The following MYBPC3 variants were observed in gnomAD, a reference collection of about 807,000 sequenced individuals.
MYBPC3 encodes the protein myosin-binding protein C, cardiac-type.
MYBPC3 carries 108 observed loss-of-function variants against 159.3 expected under a neutral mutation model. The observed-to-expected ratio is 0.68, with a 90% CI of 0.58 to 0.80. The LOEUF is 0.80. MYBPC3 is among the 30% of genes least tolerant of loss of function. The pLI is 0.00. For missense variants in MYBPC3, 1,631 were observed against 1,762.1 expected (o/e 0.93, Z 1.33); for synonymous variants, 730 against 702.0 (o/e 1.04, Z -0.63).
intron 27 of MYBPC3, 120 bp downstream of exon 27, chr11:47,334,922 T>G: frequency 1.7e-6 from 2 of 1,199,246 alleles, no homozygotes; most frequent in Non-Finnish European, 1.1e-6. Context: ...ACCCCTCCTG[T>G]CTCTGCCCAG....
rs1446676554 is a variant in MYBPC3 at position 47,341,238 on chromosome 11, G to T, written c.1797C>A (p.His599Gln). The change falls in exon 19 of 35, where the codon CAC (histidine) becomes CAA (glutamine). Residue 599 changes from histidine (H) to glutamine (Q), a missense_variant. Transcript: ENST00000545968. ...RIKVSHIGRV[H>Q]KLTIDDVTPA... is the part of the protein sequence containing the mutation. ...GTGTGACGTCGTCAATGGTCAGTTT[G>T]TGGACCCTGCAGGGGAGCAGTGGCT... 1 of 1,584,572 alleles carries T rather than the reference G, an allele frequency of 6.3e-7. No individual in the cohort carries two copies. The highest frequency in any genetic ancestry group is 8.6e-7 in the Non-Finnish European group (1 of 1,165,424).
At chr11:47,348,652 T>A in intron 5 of MYBPC3, 111 bp from the exon 6 acceptor site, 1 of 755,480 alleles carries the variant, frequency 1.3e-6, no homozygotes, top group South Asian at 2.1e-5. Flanking sequence ...AGGCCTGTAA[T>A]CCCCACTTTG....
chr11:47,332,339 G>T lies in MYBPC3; in HGVS notation c.3628-81C>A, dbSNP rs1330393651. 2 of 1,525,944 alleles carry T rather than the reference G, an allele frequency of 1.3e-6. No homozygotes were observed. Among genetic ancestry groups the T allele is most frequent in the Non-Finnish European group, 9.1e-7 (1 of 1,104,208 alleles). The allele number at this position is 1,525,944 out of a possible 1,614,324, so 94.5% of individuals were successfully genotyped here. Reference sequence around the variant, plus strand: ...CAGGGACCCAGGGAGACACATCTGTGTTTCTACTCGGGGGGTCCCACGAGA... The same window carrying T: ...CAGGGACCCAGGGAGACACATCTGTTTTTCTACTCGGGGGGTCCCACGAGA... On this transcript the variant is annotated intron_variant, in intron 32 of 34. Coordinates refer to ENST00000545968, the MANE Select transcript of MYBPC3 (RefSeq NM_000256.3). The surrounding 1 kb of genome is among the most constrained non-coding windows in gnomAD (Gnocchi z 4.2).
chr11:47,341,905 ATCTC>A (rs138186736), intron 18 of MYBPC3, 82 bp downstream of exon 18: 20 of 1,462,426 alleles, frequency 1.4e-5, no homozygotes, highest in Admixed American at 2.0e-5. Flanking sequence ...ACCTGTCTTT[ATCTC>A]TCTCTCTCTG....
In MYBPC3 at chr11:47,351,409, C is replaced by A; in HGVS notation, c.122G>T (p.Arg41Leu). The A allele has an allele frequency of 1.9e-6, 3 of 1,609,952 alleles. No homozygotes were observed. Among genetic ancestry groups the A allele is most frequent in the Non-Finnish European group, 2.5e-6 (3 of 1,178,774 alleles). Residue 41 changes from arginine (R) to leucine (L), a missense_variant, in exon 2 of 35, where the codon CGC (arginine) becomes CTC (leucine). Coordinates refer to ENST00000545968, the MANE Select transcript of MYBPC3 (RefSeq NM_000256.3). The surrounding 1 kb of genome is among the most constrained non-coding windows in gnomAD (Gnocchi z 4.2). ...GATGTCACTGCCTCCGCGCTGCCAG[C>A]GCACCTTCACTCCTGCCCGCTCTGT... ...AETERAGVKV[R>L]WQRGGSDISA...
At chr11:47,345,381 A>T (rs968715693) in intron 12 of MYBPC3, among the ~76,000 whole-genome samples, 5 of 152,190 alleles carry the variant, frequency 3.3e-5, no homozygotes, top group African/African-American at 1.2e-4. Context: ...CAGAGGGATA[A>T]GGGGCCTGGG....
chr11:47,332,503 C>A lies in MYBPC3; in HGVS notation c.3627+63G>T. ...GAGACAGGCTGGGGAGAGGACTGCT[C>A]AACGTCGGGGCCTGTGAGCCCTGCC... On this transcript the variant is annotated intron_variant, in intron 32 of 34. Transcript: ENST00000545968. This position sits in a 1 kb window ranked among gnomAD's most constrained non-coding sequence, Gnocchi z 4.2. The A allele has an allele frequency of 6.4e-7, 1 of 1,566,400 alleles. No individual in the cohort carries two copies. Among genetic ancestry groups the A allele is most frequent in the South Asian group, 1.2e-5 (1 of 84,284 alleles).
At position 47,348,384 on chromosome 11, in the gene MYBPC3, G is replaced by A. The variant is rs775182130; in HGVS notation, c.772+40C>T. ...AAGGAGGTAGGAGACCAGGACCCAT[G>A]GGGAGCCCGAGCCCAGGACAGACAC... is the stretch of plus-strand genomic sequence containing the variant. On this transcript the variant is annotated intron_variant, in intron 6 of 34. Coordinates refer to ENST00000545968, the MANE Select transcript of MYBPC3 (RefSeq NM_000256.3). 7.5e-6 allele frequency: 11 copies of A among 1,462,834 alleles called. No homozygotes were observed. The Middle Eastern group carries it at 5.1e-4, about 68-fold the overall frequency. The allele number at this position is 1,462,834 out of a possible 1,614,324, so 90.6% of individuals were successfully genotyped here. A position where few individuals can be genotyped will look rare whatever the true frequency, so the allele number is the denominator to read the frequency against.
In MYBPC3 at chr11:47,333,545, T is replaced by G; in HGVS notation, c.3190+12A>C. ...GGAAACAAGGGGGCTCAAGGAGGCC[T>G]TGGCCACGCACCAACAACCTGCAGC... On this transcript the variant is annotated intron_variant, in intron 29 of 34. Transcript: ENST00000545968. 6.3e-7 allele frequency: 1 copy of G among 1,599,628 alleles called. No individual in the cohort carries two copies. Among genetic ancestry groups the G allele is most frequent in the Non-Finnish European group, 8.5e-7 (1 of 1,179,682 alleles).
Position 47,332,369 on chromosome 11 carries a change from C to A in MYBPC3, c.3628-111G>T. The A allele has an allele frequency of 6.9e-7, 1 of 1,444,846 alleles. No homozygotes were observed. The highest frequency in any genetic ancestry group is 9.6e-7 in the Non-Finnish European group (1 of 1,042,518). The allele number at this position is 1,444,846 out of a possible 1,614,324, so 89.5% of individuals were successfully genotyped here. On this transcript the variant is annotated intron_variant, in intron 32 of 34. Coordinates refer to ENST00000545968, the MANE Select transcript of MYBPC3 (RefSeq NM_000256.3). This position sits in a 1 kb window ranked among gnomAD's most constrained non-coding sequence, Gnocchi z 4.2. Reference sequence around the variant, plus strand: ...TACTCGGGGGGTCCCACGAGAGTCCCTGACTATGCCCAAGGCTGGAAACAA... The same window carrying A: ...TACTCGGGGGGTCCCACGAGAGTCCATGACTATGCCCAAGGCTGGAAACAA...
intron 25 of MYBPC3, among the ~76,000 whole-genome samples, chr11:47,336,891 T>C (rs2095882826): frequency 6.6e-6 from 1 of 152,256 alleles, no homozygotes; most frequent in African/African-American, 2.4e-5. Flanking sequence ...CTGCCATCTC[T>C]GAGTCTTGGT....
chr11:47,332,274 AGAGAGGGAGGGAAGCCATCCAGGCT>A lies in MYBPC3; in HGVS notation c.3628-41_3628-17del, dbSNP rs36212066. 2,992 of 1,613,290 alleles carry A rather than the reference AGAGAGGGAGGGAAGCCATCCAGGCT, an allele frequency of 1.9e-3. 67 individuals are homozygous for A. The South Asian group carries it at 0.031, about 17-fold the overall frequency. On this transcript the variant is annotated splice_polypyrimidine_tract_variant and intron_variant, in intron 32 of 34. Transcript: ENST00000545968. The surrounding 1 kb of genome is among the most constrained non-coding windows in gnomAD (Gnocchi z 4.2). Reference sequence around the variant, plus strand: ...AAATCTTGGGCTATAAATAAGGTAAAGAGAGGGAGGGAAGCCATCCAGGCTGAGAGGGGACCTGGCAGGGACCCAG... The same window carrying A: ...AAATCTTGGGCTATAAATAAGGTAAAGAGAGGGGACCTGGCAGGGACCCAG...
At chr11:47,333,827 C>A in intron 28 of MYBPC3, 75 bp from the exon 29 acceptor site, 1 of 1,544,604 alleles carries the variant, frequency 6.5e-7, no homozygotes. Context: ...TCTGGTACCT[C>A]AGATCAGGCC....
chr11:47,345,971 T>C (rs976116750), intron 12 of MYBPC3, among the ~76,000 whole-genome samples: 2 of 152,208 alleles, frequency 1.3e-5, no homozygotes, highest in African/African-American at 2.4e-5. Flanking sequence ...GGTAAGGGGC[T>C]AACCTGGGCA....
chr11:47,349,939 G>C lies in MYBPC3; in HGVS notation c.506-17C>G, dbSNP rs561595897. 8.8e-6 allele frequency: 14 copies of C among 1,582,508 alleles called. No individual in the cohort carries two copies. In the South Asian group the frequency reaches 1.6e-4, roughly 18 times the overall value. On this transcript the variant is annotated splice_polypyrimidine_tract_variant and intron_variant, in intron 4 of 34. Coordinates refer to ENST00000545968, the MANE Select transcript of MYBPC3 (RefSeq NM_000256.3). ...TGCTGCCACCTGCAAAGGCAGGGGC[G>C]ACAGGCCCGGCTTGGGGAGTGTCCT...
rs1057150593 is a variant in MYBPC3 at position 47,332,331 on chromosome 11, A to T, written c.3628-73T>A. ...GGACCTGGCAGGGACCCAGGGAGACACATCTGTGTTTCTACTCGGGGGGTC... is the reference window on the plus strand; with the variant it reads ...GGACCTGGCAGGGACCCAGGGAGACTCATCTGTGTTTCTACTCGGGGGGTC... On this transcript the variant is annotated intron_variant, in intron 32 of 34. Coordinates refer to ENST00000545968, the MANE Select transcript of MYBPC3 (RefSeq NM_000256.3). This position sits in a 1 kb window ranked among gnomAD's most constrained non-coding sequence, Gnocchi z 4.2. The T allele has an allele frequency of 2.6e-6, 4 of 1,542,504 alleles. No homozygotes were observed. Among genetic ancestry groups the T allele is most frequent in the Non-Finnish European group, 3.6e-6 (4 of 1,117,856 alleles).
Position 47,332,629 on chromosome 11 carries a change from C to T in MYBPC3, c.3564G>A (p.Val1188=), listed in dbSNP as rs1595841075. Residue 1188 remains valine, a synonymous_variant, in exon 32 of 35, where the codon GTG becomes GTA. Transcript: ENST00000545968. This position sits in a 1 kb window ranked among gnomAD's most constrained non-coding sequence, Gnocchi z 4.2. ...SEAPSFTQPL[V]NRSVIAGYTA... is the part of the protein sequence containing the mutation. Reference sequence around the variant, plus strand: ...TGTAGCCCGCGATGACCGAGCGGTTCACCAGGGGCTGGGTGAAGCTTGGGG... The same window carrying T: ...TGTAGCCCGCGATGACCGAGCGGTTTACCAGGGGCTGGGTGAAGCTTGGGG... 3.1e-6 allele frequency: 5 copies of T among 1,613,888 alleles called. No homozygotes were observed. Among genetic ancestry groups the T allele is most frequent in the African/African-American group, 1.3e-5 (1 of 75,056 alleles).
In MYBPC3 at chr11:47,338,688, G is replaced by T. The variant is rs773882783; in HGVS notation, c.2149-9C>A. 1.9e-6 allele frequency: 3 copies of T among 1,604,812 alleles called. No individual in the cohort carries two copies. Among genetic ancestry groups the T allele is most frequent in the Non-Finnish European group, 2.6e-6 (3 of 1,175,328 alleles). ...TCGGTCTCACACAGCAGCTGGGGGG[G>T]TGCAGAGTTGGGGTGAGATCCAAGT... is the stretch of plus-strand genomic sequence containing the variant. On this transcript the variant is annotated splice_polypyrimidine_tract_variant and intron_variant, in intron 22 of 34. Transcript: ENST00000545968. This position sits in a 1 kb window ranked among gnomAD's most constrained non-coding sequence, Gnocchi z 4.7.
At chr11:47,341,919 G>A in intron 18 of MYBPC3, 72 bp downstream of exon 18, 1 of 1,526,050 alleles carries the variant, frequency 6.6e-7, no homozygotes, top group African/African-American at 1.4e-5. Flanking sequence ...CTCTCTCTCT[G>A]TTTCTCCCTG....
Sources: allele counts gnomAD v4.1 joint callset (sites outside exome capture counted in the v4.1 genomes callset), GRCh38; gene constraint gnomAD v4.1.1; non-coding constraint Gnocchi (gnomAD v3.1); transcripts MANE v1.5; gene names NCBI Gene and HGNC (gene_info 2026-07-23, HGNC 2026-07-21).